The following CDKAL1 variants were observed in gnomAD, a reference collection of about 807,000 sequenced individuals.
CDKAL1 encodes the protein CDKAL1 threonylcarbamoyladenosine tRNA methylthiotransferase.
CDKAL1 carries 32 observed loss-of-function variants against 68.2 expected under a neutral mutation model. The ratio of observed to expected loss-of-function variants is 0.47; its 90% CI spans 0.35 to 0.63. The LOEUF (loss-of-function observed/expected upper bound fraction) is 0.63, where lower values mean the gene tolerates loss of function less well. Ranked by LOEUF, CDKAL1 falls within the 30% of genes least tolerant of loss-of-function variation. The pLI, the probability that CDKAL1 is intolerant of heterozygous loss-of-function variation, is 0.00. For missense variants in CDKAL1, 606 were observed against 696.7 expected, an observed-to-expected ratio of 0.87 and a Z score of 1.47; for synonymous variants, 234 against 244.3, an observed-to-expected ratio of 0.96 and a Z score of 0.39.
intron 9 of CDKAL1, among the ~76,000 whole-genome samples, chr6:20,951,044 C>A (rs1366477998): frequency 6.6e-6 from 1 of 151,616 alleles, no homozygotes; most frequent in African/African-American, 2.4e-5. Context: ...GTAGAGTTAG[C>A]AGATTTTCCA....
intron 8 of CDKAL1, among the ~76,000 whole-genome samples, chr6:20,825,977 T>C (rs1777487426): frequency 6.6e-6 from 1 of 152,164 alleles, no homozygotes; most frequent in South Asian, 2.1e-4. Context: ...GATTAGCTAC[T>C]TTTTCTTTAC....
At chr6:21,189,411 T>G (rs770293659) in intron 13 of CDKAL1, among the ~76,000 whole-genome samples, 3 of 152,234 alleles carry the variant, frequency 2.0e-5, no homozygotes. Flanking sequence ...AAAGGAACAT[T>G]CTTCCCCTTT....
chr6:20,936,563 A>G (rs1763725864), intron 9 of CDKAL1, among the ~76,000 whole-genome samples: 1 of 150,308 alleles, frequency 6.7e-6, no homozygotes, highest in Non-Finnish European at 1.5e-5. Context: ...TTTTTTTTTT[A>G]TATATCCCTT....
intron 5 of CDKAL1, among the ~76,000 whole-genome samples, chr6:20,733,107 G>C (rs898402839): frequency 6.6e-6 from 1 of 152,166 alleles, no homozygotes; most frequent in Admixed American, 6.5e-5. Context: ...CTCAGTGGGA[G>C]TCAGGGTGAT....
At chr6:21,061,965 T>TTG (rs774987710) in intron 11 of CDKAL1, among the ~76,000 whole-genome samples, 16 of 152,212 alleles carry the variant, frequency 1.1e-4, no homozygotes, top group Non-Finnish European at 2.2e-4. Context: ...AGGCAACTTT[T>TTG]TGTTTACCTT....
At chr6:20,913,158 C>CACACACACACACACACACAT (rs1229681370) in intron 9 of CDKAL1, among the ~76,000 whole-genome samples, 4 of 145,692 alleles carry the variant, frequency 2.7e-5, no homozygotes, top group African/African-American at 1.1e-4. Flanking sequence ...CACACACACA[C>CACACACACACACACACACAT]ATTACCACAA....
At chr6:20,840,759 G>T (rs181093391) in intron 8 of CDKAL1, among the ~76,000 whole-genome samples, 2 of 152,270 alleles carry the variant, frequency 1.3e-5, no homozygotes, top group Non-Finnish European at 1.5e-5. Flanking sequence ...AGTATCTCCT[G>T]TATTCGTTTG....
At chr6:20,973,966 C>T (rs1266748978) in intron 10 of CDKAL1, among the ~76,000 whole-genome samples, 2 of 151,990 alleles carry the variant, frequency 1.3e-5, no homozygotes, top group Non-Finnish European at 2.9e-5. Flanking sequence ...TTGTTGTAGA[C>T]GATATATAAC....
At chr6:20,876,172 G>T (rs942037038) in intron 9 of CDKAL1, among the ~76,000 whole-genome samples, 2 of 152,222 alleles carry the variant, frequency 1.3e-5, no homozygotes, top group Non-Finnish European at 2.9e-5. Context: ...GCTGACTCAG[G>T]ATCTGAGCAC....
intron 11 of CDKAL1, among the ~76,000 whole-genome samples, chr6:21,036,301 T>C (rs760772033): frequency 6.6e-6 from 1 of 152,166 alleles, no homozygotes; most frequent in Non-Finnish European, 1.5e-5. Flanking sequence ...AAGTGTTTGA[T>C]AGTAGTGGTT....
chr6:20,796,104 A>G (rs1390604190), intron 8 of CDKAL1, among the ~76,000 whole-genome samples: 1 of 152,208 alleles, frequency 6.6e-6, no homozygotes, highest in South Asian at 2.1e-4. Flanking sequence ...GACTGTCTAC[A>G]TAGAAAATCT....
chr6:20,990,429 G>T (rs932631091), intron 10 of CDKAL1, among the ~76,000 whole-genome samples: 4 of 152,146 alleles, frequency 2.6e-5, no homozygotes, highest in African/African-American at 9.7e-5. Context: ...GAACACTGAA[G>T]TCCTTTTACA....
chr6:20,603,850 C>CACT (rs200084382), intron 4 of CDKAL1, among the ~76,000 whole-genome samples: 2,283 of 139,930 alleles, frequency 0.016, 67 homozygotes, highest in African/African-American at 0.058. Context: ...GATACCGGCT[C>CACT]ACTGCAACCT....
intron 10 of CDKAL1, among the ~76,000 whole-genome samples, chr6:20,999,007 T>G (rs1178359336): frequency 3.3e-5 from 5 of 152,196 alleles, no homozygotes; most frequent in Admixed American, 2.6e-4. Flanking sequence ...CTTGAAGAGC[T>G]GAGAGGTAAC....
intron 9 of CDKAL1, among the ~76,000 whole-genome samples, chr6:20,925,092 G>A (rs1250951004): frequency 6.6e-6 from 1 of 152,174 alleles, no homozygotes; most frequent in Non-Finnish European, 1.5e-5. Flanking sequence ...TGAAGAAATT[G>A]CCATGGGCAT....
intron 13 of CDKAL1, among the ~76,000 whole-genome samples, chr6:21,125,714 TAA>T (rs2151014334): frequency 6.6e-6 from 1 of 152,270 alleles, no homozygotes; most frequent in Non-Finnish European, 1.5e-5. Context: ...AACCTCTTTA[TAA>T]ATTACCCAGT....
chr6:21,093,499 A>G (rs139054837), intron 12 of CDKAL1, among the ~76,000 whole-genome samples: 14 of 152,306 alleles, frequency 9.2e-5, no homozygotes, highest in African/African-American at 2.9e-4. Flanking sequence ...TGGGACAGCC[A>G]TGTATCAGAG....
chr6:20,574,257 A>G (rs547437962), intron 4 of CDKAL1, among the ~76,000 whole-genome samples: 6 of 152,264 alleles, frequency 3.9e-5, no homozygotes, highest in South Asian at 2.1e-4. Context: ...AATGGGGCCT[A>G]TTATTCCTGA....
rs145894251 is a variant in CDKAL1, at chr6:21,191,992, C to CTTTTTTTTTTTTTTT, written c.1300-6003_1300-5989dup. Among the ~76,000 whole-genome samples, 7 of 34,530 alleles carry CTTTTTTTTTTTTTTT rather than the reference C, an allele frequency of 2.0e-4. 3 individuals are homozygous for CTTTTTTTTTTTTTTT. Among genetic ancestry groups the CTTTTTTTTTTTTTTT allele is most frequent in the Admixed American group, 8.0e-4 (2 of 2,496 alleles). 22.7% of individuals were successfully genotyped at this position (34,530 alleles called of 152,430 possible). On this transcript the variant is annotated intron_variant, in intron 13 of 15. Coordinates refer to ENST00000274695, the MANE Select transcript of CDKAL1 (RefSeq NM_017774.3). ...AGGAATATTTTTATAATTCATTTTT[C>CTTTTTTTTTTTTTTT]TTTTTTTTTTTTTTTTTTTTTTTTT...
Sources: allele counts gnomAD v4.1 joint callset (sites outside exome capture counted in the v4.1 genomes callset), GRCh38; gene constraint gnomAD v4.1.1; transcripts MANE v1.5; gene names NCBI Gene and HGNC (gene_info 2026-07-23, HGNC 2026-07-21).